Variants in ADGRF5 observed in about 807,000 individuals in gnomAD.
ADGRF5 encodes G-protein coupled receptor 116.
A neutral mutation model predicts 132.3 loss-of-function variants in ADGRF5; 75 were observed. The observed-to-expected ratio is 0.57, with a 90% confidence interval of 0.47 to 0.69. ADGRF5 has a LOEUF of 0.69. ADGRF5 is among the 30% of genes least tolerant of loss of function. ADGRF5 has a pLI of 0.00. For missense variants in ADGRF5, 1,516 were observed against 1,630.6 expected, an observed-to-expected ratio of 0.93 and a Z score of 1.21; for synonymous variants, 629 against 597.6, an observed-to-expected ratio of 1.05 and a Z score of -0.77.
chr6:46,950,692 T>G (rs1778464901), intron 1 of ADGRF5, among the ~76,000 whole-genome samples: 1 of 152,146 alleles, frequency 6.6e-6, no homozygotes, highest in Non-Finnish European at 1.5e-5. Flanking sequence ...CTTTTGTATT[T>G]TTAGTAGAGA....
chr6:46,877,225 C>CTCTCTCTT (rs1712822631), intron 10 of ADGRF5, among the ~76,000 whole-genome samples: 1 of 131,682 alleles, frequency 7.6e-6, no homozygotes, highest in Non-Finnish European at 1.7e-5. Context: ...TTTATTTCCT[C>CTCTCTCTT]TCTTTCTTTC....
chr6:46,866,082 A>G (rs1435284767), intron 13 of ADGRF5, among the ~76,000 whole-genome samples: 1 of 152,168 alleles, frequency 6.6e-6, no homozygotes, highest in Non-Finnish European at 1.5e-5. Flanking sequence ...GGCACCATCT[A>G]CCAGAGAGAC....
At chr6:46,862,703 C>CTTTTTTTTTT (rs67565937) in intron 15 of ADGRF5, among the ~76,000 whole-genome samples, 185 bp downstream of exon 15, 447 of 26,512 alleles carry the variant, frequency 0.017, 67 homozygotes, top group Middle Eastern at 0.045. Context: ...TGAATTGAGG[C>CTTTTTTTTTT]TTTTTTTTTT....
At chr6:46,888,912 T>C (rs530796119) in intron 3 of ADGRF5, among the ~76,000 whole-genome samples, 1 of 152,090 alleles carries the variant, frequency 6.6e-6, no homozygotes, top group Non-Finnish European at 1.5e-5. Flanking sequence ...AGTCACCCAG[T>C]TAATTCTCTT....
rs377671665 is a variant in ADGRF5, at chr6:46,862,859, G to T, written c.2199+29C>A. Reference sequence around the variant, plus strand: ...TCAGCCAGATAGATCGCCCCACCAAGAGCTCAGAGTGGAAGCTTTAAGGAT... The same window carrying T: ...TCAGCCAGATAGATCGCCCCACCAATAGCTCAGAGTGGAAGCTTTAAGGAT... On this transcript the variant is annotated intron_variant, in intron 15 of 20. Coordinates refer to ENST00000283296, the MANE Select transcript of ADGRF5 (RefSeq NM_001098518.2). 468 of 1,461,326 alleles carry T rather than the reference G, an allele frequency of 3.2e-4. 7 individuals are homozygous for T. The South Asian group carries it at 4.8e-3, about 15-fold the overall frequency. The allele number at this position is 1,461,326 out of a possible 1,614,324, so 90.5% of individuals were successfully genotyped here.
At chr6:46,922,690 G>A (rs761289976), upstream of ADGRF5, among the ~76,000 whole-genome samples, 26 of 152,272 alleles carry the variant, frequency 1.7e-4, 1 homozygote, top group Non-Finnish European at 3.7e-4. Context: ...GGGGAATGCT[G>A]TTTGACTCTC....
chr6:46,881,548 GT>G lies in ADGRF5; in HGVS notation c.720del (p.Glu242SerfsTer2). ...VTYEVKTTPP[S>X]LELIHKANEQ... ...TCATTGGCTTTATGTATTAACTCAAGTGATGGTGGTGTAGTCTTGACTTCAT... is the reference window on the plus strand; with the variant it reads ...TCATTGGCTTTATGTATTAACTCAAGGATGGTGGTGTAGTCTTGACTTCAT... On this transcript the variant is annotated frameshift_variant, in exon 8 of 21. Coordinates refer to ENST00000283296, the MANE Select transcript of ADGRF5 (RefSeq NM_001098518.2). LOFTEE classifies it high-confidence loss of function. The G allele has an allele frequency of 6.2e-7, 1 of 1,613,558 alleles. No homozygotes were observed. Among genetic ancestry groups the G allele is most frequent in the Non-Finnish European group, 8.5e-7 (1 of 1,179,458 alleles).
chr6:46,936,243 C>T (rs551964185), intron 1 of ADGRF5, among the ~76,000 whole-genome samples: 87 of 152,292 alleles, frequency 5.7e-4, no homozygotes, highest in Admixed American at 2.1e-3. Context: ...GCCTTCCTCC[C>T]TGGGATGGGG....
intron 1 of ADGRF5, among the ~76,000 whole-genome samples, chr6:46,911,305 T>A (rs1239745125): frequency 1.3e-5 from 2 of 152,172 alleles, no homozygotes. Flanking sequence ...ACTACCAAAG[T>A]CAGCTGCTTT....
chr6:46,862,943 T>A lies in ADGRF5; in HGVS notation c.2144A>T (p.Glu715Val). The A allele has an allele frequency of 6.2e-7, 1 of 1,613,276 alleles. No individual in the cohort carries two copies. The highest frequency in any genetic ancestry group is 8.5e-7 in the Non-Finnish European group (1 of 1,179,686). ...GGCAGAGATGCAGTCATTTCTCTTC[T>A]CCTCCCACTGGGAGCCTACACATTT... Reference protein sequence around the residue: ...TYKCVGSQWEEKRNDCISAPI... With the variant: ...TYKCVGSQWEVKRNDCISAPI... The change falls in exon 15 of 21, where the codon GAG (glutamate) becomes GTG (valine). Residue 715 changes from glutamate (E) to valine (V), a missense_variant. Glu to Val is a moderately radical substitution (Grantham distance 121). Transcript: ENST00000283296.
At chr6:46,915,318 G>T (rs1396830840) in intron 1 of ADGRF5, among the ~76,000 whole-genome samples, 1 of 128,694 alleles carries the variant, frequency 7.8e-6, no homozygotes, top group African/African-American at 3.3e-5. Flanking sequence ...AATAATAATG[G>T]ACCAATCAGA....
At chr6:46,873,935 A>C (rs1771360128) in intron 10 of ADGRF5, among the ~76,000 whole-genome samples, 1 of 152,184 alleles carries the variant, frequency 6.6e-6, no homozygotes, top group South Asian at 2.1e-4. Flanking sequence ...CTCTTCTGAA[A>C]TATCTCACTA....
Position 46,900,216 on chromosome 6 carries a change from G to A in ADGRF5, c.103-133C>T, listed in dbSNP as rs1458472780. 9.0e-5 allele frequency: 62 copies of A among 689,912 alleles called. No homozygotes were observed. In the East Asian group the frequency reaches 9.1e-4, roughly 10 times the overall value. 42.7% of individuals were successfully genotyped at this position (689,912 alleles called of 1,614,324 possible). A position where few individuals can be genotyped will look rare whatever the true frequency, so the allele number is the denominator to read the frequency against. On this transcript the variant is annotated intron_variant, in intron 2 of 20. Transcript: ENST00000283296. The stretch of plus-strand genomic sequence containing the variant: ...ACTTTGGGTTAGCACCATGTGTCCC[G>A]TGGATGCTGGGCACATAGCAATGAA...
chr6:46,912,791 C>T (rs1459479238), intron 1 of ADGRF5, among the ~76,000 whole-genome samples: 3 of 152,024 alleles, frequency 2.0e-5, no homozygotes, highest in Non-Finnish European at 4.4e-5. Flanking sequence ...ACACATAGCC[C>T]TCCTGTGCAA....
intron 1 of ADGRF5, among the ~76,000 whole-genome samples, chr6:46,950,140 G>C (rs1778443816): frequency 6.6e-6 from 1 of 152,086 alleles, no homozygotes; most frequent in South Asian, 2.1e-4. Flanking sequence ...CACCCATTAT[G>C]GGCATCCCTT....
Position 46,884,157 on chromosome 6 carries a change from C to T in ADGRF5, c.443G>A (p.Gly148Glu). The change falls in exon 5 of 21, where the codon GGG becomes GAG. Residue 148 changes from glycine (G) to glutamate (E), a missense_variant. This residue lies in a region of ADGRF5 where 945 missense variants were observed against 929.4 expected (regional missense o/e 1.02). Coordinates refer to ENST00000283296, the MANE Select transcript of ADGRF5 (RefSeq NM_001098518.2). ...ICQERDVFLP[G>E]HHCSCLKELP... The stretch of plus-strand genomic sequence containing the variant: ...TTCTTTAAGGCAACTGCAATGGTGC[C>T]CTGGGAGGAAGACGTCACGCTCTTG... 6.2e-7 allele frequency: 1 copy of T among 1,614,060 alleles called. No individual in the cohort carries two copies. The highest frequency in any genetic ancestry group is 8.5e-7 in the Non-Finnish European group (1 of 1,179,982).
chr6:46,935,964 T>C (rs1777802270), intron 1 of ADGRF5, among the ~76,000 whole-genome samples: 1 of 152,166 alleles, frequency 6.6e-6, no homozygotes, highest in South Asian at 2.1e-4. Flanking sequence ...CTCTCCCTAA[T>C]CAGGAATGCG....
intron 11 of ADGRF5, chr6:46,870,889 A>G (rs1770974921): frequency 2.4e-6 from 1 of 420,626 alleles, no homozygotes; most frequent in Non-Finnish European, 4.7e-6. Context: ...TGTAGTGAGA[A>G]CAGTTTTGAT....
chr6:46,879,155 A>G (rs753656183), intron 9 of ADGRF5, among the ~76,000 whole-genome samples: 8 of 151,866 alleles, frequency 5.3e-5, no homozygotes, highest in Non-Finnish European at 1.0e-4. Context: ...TTAAAAATCA[A>G]TTGAAAATTA....
Sources: gnomAD v4.1 joint callset for allele counts (sites outside exome capture counted in the v4.1 genomes callset) on GRCh38, gnomAD v4.1.1 for gene constraint, gnomAD v4.1.1 regional missense constraint, MANE v1.5 for transcripts, NCBI Gene and HGNC (gene_info 2026-07-23, HGNC 2026-07-21) for gene names.